The following GRM5 variants were observed in gnomAD, a reference collection of about 807,000 sequenced individuals.
GRM5 encodes the protein glutamate metabotropic receptor 5.
A neutral mutation model predicts 83.1 loss-of-function variants in GRM5; 19 were observed. That is an observed-to-expected ratio of 0.23 (90% CI 0.16 to 0.34). The LOEUF is 0.34. GRM5 is among the 10% of genes least tolerant of loss of function. The probability of loss-of-function intolerance (pLI) is 1.00; values close to 1 mark genes in which losing one functional copy is unlikely to be tolerated. For synonymous variants in GRM5, 675 were observed against 633.6 expected, an observed-to-expected ratio of 1.07 and a Z score of -0.98; for missense variants, 1,160 against 1,588.3, an observed-to-expected ratio of 0.73 and a Z score of 4.58.
intron 4 of GRM5, among the ~76,000 whole-genome samples, chr11:88,641,091 CT>C (rs1449808731): frequency 6.6e-6 from 1 of 152,046 alleles, no homozygotes; most frequent in African/African-American, 2.4e-5. Flanking sequence ...CAAACATGTG[CT>C]TCTGGGGAGG....
intron 3 of GRM5, among the ~76,000 whole-genome samples, chr11:88,700,174 G>C (rs1940995655): frequency 6.6e-6 from 1 of 152,188 alleles, no homozygotes; most frequent in Non-Finnish European, 1.5e-5. Flanking sequence ...GGATCACCCA[G>C]AAAGACTGGG....
intron 2 of GRM5, among the ~76,000 whole-genome samples, chr11:88,934,139 A>C (rs1163511076): frequency 6.6e-6 from 1 of 151,792 alleles, no homozygotes; most frequent in African/African-American, 2.4e-5. Context: ...TACTATTTTG[A>C]TAAGTCACAA....
At chr11:88,774,167 C>T (rs551137470) in intron 3 of GRM5, among the ~76,000 whole-genome samples, 1 of 152,286 alleles carries the variant, frequency 6.6e-6, no homozygotes, top group South Asian at 2.1e-4. Flanking sequence ...AGGTCCTTCA[C>T]ATCCCTTGTA....
chr11:88,764,180 A>ACATACACAAGAACAGACAATCAAAAT (rs1220148283), intron 3 of GRM5, among the ~76,000 whole-genome samples: 1 of 151,770 alleles, frequency 6.6e-6, no homozygotes, highest in Non-Finnish European at 1.5e-5. Flanking sequence ...ATAAACATCT[A>ACATACACAAGAACAGACAATCAAAAT]CATACACAAG....
At chr11:88,973,626 A>T (rs1939235699) in intron 2 of GRM5, among the ~76,000 whole-genome samples, 1 of 152,158 alleles carries the variant, frequency 6.6e-6, no homozygotes, top group Non-Finnish European at 1.5e-5. Context: ...CAATACCCTG[A>T]TTTCAATCCA....
intron 3 of GRM5, among the ~76,000 whole-genome samples, chr11:88,747,915 A>C (rs1942177283): frequency 6.6e-6 from 1 of 152,188 alleles, no homozygotes; most frequent in East Asian, 1.9e-4. Context: ...TAAAAGGGTG[A>C]GTGAATTCAG....
chr11:88,809,822 A>G (rs1943559802), intron 3 of GRM5, among the ~76,000 whole-genome samples: 1 of 152,112 alleles, frequency 6.6e-6, no homozygotes, highest in African/African-American at 2.4e-5. Context: ...AGATTTAGCA[A>G]ATAAAAATAT....
intron 3 of GRM5, among the ~76,000 whole-genome samples, chr11:88,730,786 C>T (rs751042688): frequency 1.3e-5 from 2 of 152,112 alleles, no homozygotes; most frequent in Admixed American, 6.6e-5. Context: ...CCAAACACCA[C>T]ATGTTCTCAC....
chr11:88,733,729 T>C lies in GRM5; in HGVS notation c.912-80326A>G, dbSNP rs112951099. The stretch of plus-strand genomic sequence containing the variant: ...AGACATTTTCTCTGCTTCTTTATGT[T>C]ATACAATAGCAGATAAACTTCTCGA... On this transcript the variant is annotated intron_variant, in intron 3 of 9. Coordinates refer to ENST00000305447, the MANE Select transcript of GRM5 (RefSeq NM_001143831.3). Among the ~76,000 whole-genome samples, 744 of 152,200 alleles carry C rather than the reference T, an allele frequency of 4.9e-3. 5 individuals carry two copies. The highest frequency in any genetic ancestry group is 0.017 in the African/African-American group (714 of 41,572).
intron 2 of GRM5, among the ~76,000 whole-genome samples, chr11:88,856,180 C>T (rs1320700069): frequency 2.0e-5 from 3 of 152,062 alleles, no homozygotes; most frequent in Non-Finnish European, 4.4e-5. Context: ...GCTTTAACTA[C>T]TAATATCCTG....
intron 2 of GRM5, among the ~76,000 whole-genome samples, chr11:88,902,237 C>A (rs1945325097): frequency 6.6e-6 from 1 of 151,546 alleles, no homozygotes; most frequent in African/African-American, 2.4e-5. Flanking sequence ...GGTGGAAGAA[C>A]TTGGGATCTG....
chr11:88,653,040 C>T, intron 4 of GRM5, 128 bp downstream of exon 4: 1 of 628,720 alleles, frequency 1.6e-6, no homozygotes, highest in Non-Finnish European at 2.8e-6. Flanking sequence ...CCATAAGTGG[C>T]AATATCCACT....
intron 3 of GRM5, among the ~76,000 whole-genome samples, chr11:88,774,326 T>G (rs1591505918): frequency 6.6e-6 from 1 of 152,364 alleles, no homozygotes; most frequent in East Asian, 1.9e-4. Flanking sequence ...CTGAAGTTGC[T>G]TATCAGCTTA....
intron 2 of GRM5, among the ~76,000 whole-genome samples, chr11:88,948,363 G>A (rs1020946038): frequency 2.6e-5 from 4 of 152,164 alleles, no homozygotes; most frequent in African/African-American, 9.7e-5. Flanking sequence ...CAAAAGACAG[G>A]TGGCTACAGT....
chr11:88,912,348 C>T (rs1050000462), intron 2 of GRM5, among the ~76,000 whole-genome samples: 2 of 151,772 alleles, frequency 1.3e-5, no homozygotes, highest in African/African-American at 4.8e-5. Flanking sequence ...ACTTTATTCT[C>T]TCATATTTCA....
At chr11:88,616,709 C>A (rs1938495736) in intron 4 of GRM5, among the ~76,000 whole-genome samples, 1 of 152,054 alleles carries the variant, frequency 6.6e-6, no homozygotes, top group African/African-American at 2.4e-5. Context: ...AGTGAGAAAT[C>A]ACTAATACAT....
At chr11:88,632,482 C>T (rs933355035) in intron 4 of GRM5, among the ~76,000 whole-genome samples, 6 of 152,084 alleles carry the variant, frequency 3.9e-5, no homozygotes, top group African/African-American at 1.4e-4. Flanking sequence ...GATCCTCCTG[C>T]CTTGGCTTTT....
intron 3 of GRM5, among the ~76,000 whole-genome samples, chr11:88,834,988 C>G (rs979243498): frequency 2.0e-5 from 3 of 152,090 alleles, no homozygotes; most frequent in African/African-American, 7.2e-5. Flanking sequence ...TTTTTCCCCC[C>G]CTGCAGTTTC....
chr11:88,971,137 T>C (rs1939153627), intron 2 of GRM5, among the ~76,000 whole-genome samples: 2 of 152,058 alleles, frequency 1.3e-5, no homozygotes, highest in South Asian at 2.1e-4. Flanking sequence ...GGAAAGGAGA[T>C]AGTTTTGGAA....
Sources: allele counts gnomAD v4.1 joint callset (sites outside exome capture counted in the v4.1 genomes callset), GRCh38; gene constraint gnomAD v4.1.1; transcripts MANE v1.5; gene names NCBI Gene and HGNC (gene_info 2026-07-23, HGNC 2026-07-21).